Variants in LRRN2 observed in about 807,000 individuals in gnomAD.
The protein encoded by LRRN2 is leucine rich repeat neuronal 2, also known as leucine-rich repeat neuronal protein 2.
Under a neutral mutation model 35.7 loss-of-function variants are expected in LRRN2, and 10 were observed. The observed-to-expected ratio is 0.28, with a 90% CI of 0.17 to 0.47. The LOEUF is 0.47. Among genes scored for constraint, LRRN2 ranks in the 20% least tolerant of loss-of-function variants. The probability of loss-of-function intolerance (pLI) is 0.99; values close to 1 mark genes in which losing one functional copy is unlikely to be tolerated. For missense variants in LRRN2, 731 were observed against 940.3 expected (o/e 0.78, Z 2.91); for synonymous variants, 391 against 409.6 (o/e 0.95, Z 0.55).
chr1:204,641,877 C>G (rs1207890120), intron 1 of LRRN2, among the ~76,000 whole-genome samples: 1 of 152,262 alleles, frequency 6.6e-6, no homozygotes, highest in Non-Finnish European at 1.5e-5. Flanking sequence ...AGCTGGTTTT[C>G]TCCCAGTGAG....
Position 204,618,674 on chromosome 1 carries a change from C to G in LRRN2, c.1319G>C (p.Ser440Thr). 1 of 1,602,186 alleles carries G rather than the reference C, an allele frequency of 6.2e-7. No individual in the cohort carries two copies. The highest frequency in any genetic ancestry group is 8.5e-7 in the Non-Finnish European group (1 of 1,173,456). The change falls in exon 2 of 2, where the codon AGC becomes ACC. Residue 440 changes from serine to threonine, a missense_variant. By Grantham distance (58) the Ser-to-Thr change is moderately conservative (BLOSUM62 1). This residue lies in a region of LRRN2 where 256 missense variants were observed against 392.4 expected (regional missense o/e 0.65). Transcript: ENST00000367177. ...PPSLQVASGE[S>T]MVLHCRALAE... ...CAGTGCCCGGCAATGCAGCACCATG[C>G]TCTCTCCACTGGCTACCTGGAGGCT...
chr1:204,656,240 C>T (rs1668353328), intron 1 of LRRN2, among the ~76,000 whole-genome samples: 1 of 152,194 alleles, frequency 6.6e-6, no homozygotes, highest in Non-Finnish European at 1.5e-5. Flanking sequence ...TCTTCTCTAT[C>T]TCTGGCCTGC....
At position 204,618,445 on chromosome 1, in the gene LRRN2, A is replaced by G. The variant is rs548872895; in HGVS notation, c.1548T>C (p.Arg516=). 16 of 1,614,146 alleles carry G rather than the reference A, an allele frequency of 9.9e-6. No homozygotes were observed. The highest frequency in any genetic ancestry group is 9.9e-5 in the South Asian group (9 of 91,088). Residue 516 remains arginine (R), a synonymous_variant, in exon 2 of 2, where the codon CGT becomes CGC. Transcript: ENST00000367177. ...CGTCCCTGCCTGGCTGGAGGAGAGC[A>G]CGGCCCACAACCACACTAACCGTCT... ...DTKTVSVVVG[R]ALLQPGRDEG... is the part of the protein sequence containing the mutation.
chr1:204,641,595 G>A (rs1326761298), intron 1 of LRRN2, among the ~76,000 whole-genome samples: 1 of 152,190 alleles, frequency 6.6e-6, no homozygotes, highest in Non-Finnish European at 1.5e-5. Flanking sequence ...CCCTACGAGA[G>A]TAGTATTATA....
chr1:204,629,960 G>A (rs569525518), intron 1 of LRRN2, among the ~76,000 whole-genome samples: 1 of 152,182 alleles, frequency 6.6e-6, no homozygotes, highest in South Asian at 2.1e-4. Context: ...ACTAGAGGGT[G>A]TGTGGGGGGG....
chr1:204,648,073 C>G (rs1282489057), intron 1 of LRRN2, among the ~76,000 whole-genome samples: 1 of 152,168 alleles, frequency 6.6e-6, no homozygotes, highest in Non-Finnish European at 1.5e-5. Context: ...CCACCTCCAC[C>G]ACTTACTCAG....
intron 1 of LRRN2, among the ~76,000 whole-genome samples, 173 bp downstream of exon 1, chr1:204,685,147 G>A (rs1266093453): frequency 6.6e-6 from 1 of 152,172 alleles, no homozygotes; most frequent in Admixed American, 6.5e-5. Flanking sequence ...CCCTCCTCTG[G>A]CCCCCACCCG....
At chr1:204,624,631 C>T (rs1175536728) in intron 1 of LRRN2, among the ~76,000 whole-genome samples, 1 of 152,212 alleles carries the variant, frequency 6.6e-6, no homozygotes, top group Non-Finnish European at 1.5e-5. Flanking sequence ...TCACTACTTT[C>T]TCCCTTCCCT....
At chr1:204,641,124 C>T (rs1267067990) in intron 1 of LRRN2, among the ~76,000 whole-genome samples, 2 of 152,160 alleles carry the variant, frequency 1.3e-5, no homozygotes, top group Non-Finnish European at 2.9e-5. Context: ...AAACCACAAT[C>T]TTGCACAAAG....
chr1:204,643,073 C>G (rs1668018613), intron 1 of LRRN2, among the ~76,000 whole-genome samples: 1 of 152,164 alleles, frequency 6.6e-6, no homozygotes, highest in Non-Finnish European at 1.5e-5. Flanking sequence ...TCACTTTGGT[C>G]AGTGCTTCAA....
intron 1 of LRRN2, among the ~76,000 whole-genome samples, chr1:204,640,242 G>T (rs1426153497): frequency 6.6e-6 from 1 of 152,172 alleles, no homozygotes; most frequent in Non-Finnish European, 1.5e-5. Context: ...CACATGGCAG[G>T]AAGGGAGAGG....
chr1:204,636,112 A>G lies in LRRN2; in HGVS notation c.-226-15894T>C, dbSNP rs57752885. On this transcript the variant is annotated intron_variant, in intron 1 of 1. Transcript: ENST00000367177. The stretch of plus-strand genomic sequence containing the variant: ...GCTGCCATGACCACACTCACTTAAT[A>G]CCTTCCACGAGCATCGTCATCTCCT... Among the ~76,000 whole-genome samples the G allele has an allele frequency of 2.3e-3, 352 of 152,104 alleles. 2 individuals carry two copies. The highest frequency in any genetic ancestry group is 8.1e-3 in the African/African-American group (337 of 41,488).
chr1:204,670,641 C>T (rs925360984), intron 1 of LRRN2, among the ~76,000 whole-genome samples: 6 of 151,114 alleles, frequency 4.0e-5, no homozygotes, highest in Admixed American at 6.6e-5. Flanking sequence ...AAGATCAAGA[C>T]GGGAAGGATG....
intron 1 of LRRN2, among the ~76,000 whole-genome samples, chr1:204,669,634 C>G (rs2102624485): frequency 6.6e-6 from 1 of 152,322 alleles, no homozygotes; most frequent in African/African-American, 2.4e-5. Flanking sequence ...GAGCTGAGAT[C>G]TGCAGGATAG....
chr1:204,657,366 A>G (rs77900137), intron 1 of LRRN2, among the ~76,000 whole-genome samples: 3 of 151,758 alleles, frequency 2.0e-5, no homozygotes, highest in Non-Finnish European at 4.4e-5. Context: ...ACACACACAC[A>G]CGCATATATA....
At chr1:204,673,044 G>A (rs1668746789) in intron 1 of LRRN2, among the ~76,000 whole-genome samples, 1 of 152,066 alleles carries the variant, frequency 6.6e-6, no homozygotes, top group African/African-American at 2.4e-5. Context: ...CCCCCTCTCT[G>A]CTACTAGCCT....
At chr1:204,631,916 C>A (rs763214244) in intron 1 of LRRN2, among the ~76,000 whole-genome samples, 4 of 152,114 alleles carry the variant, frequency 2.6e-5, no homozygotes, top group Non-Finnish European at 5.9e-5. Context: ...AGAGGCCAGC[C>A]AAAGGAGGCA....
chr1:204,668,980 C>A (rs1021231117), intron 1 of LRRN2, among the ~76,000 whole-genome samples: 1 of 152,164 alleles, frequency 6.6e-6, no homozygotes, highest in Non-Finnish European at 1.5e-5. Context: ...CTGGCCACTA[C>A]ACCTGGCTAA....
chr1:204,660,954 G>A (rs368112579), intron 1 of LRRN2, among the ~76,000 whole-genome samples: 3 of 152,212 alleles, frequency 2.0e-5, no homozygotes, highest in Admixed American at 6.5e-5. Context: ...CATTGGTGAC[G>A]GCTCCTGGGC....
Sources: gnomAD v4.1 joint callset for allele counts (sites outside exome capture counted in the v4.1 genomes callset) on GRCh38, gnomAD v4.1.1 for gene constraint, gnomAD v4.1.1 regional missense constraint, MANE v1.5 for transcripts, NCBI Gene and HGNC (gene_info 2026-07-23, HGNC 2026-07-21) for gene names.